Variants in MAP2K6 observed in about 807,000 individuals in gnomAD.
MAP2K6 encodes the protein dual specificity mitogen-activated protein kinase kinase 6.
In MAP2K6, 16 loss-of-function variants were observed where a neutral mutation model predicts 53.7. The observed-to-expected ratio is 0.30, with a 90% confidence interval of 0.20 to 0.45. The LOEUF is 0.45. MAP2K6 is among the 20% of genes least tolerant of loss of function. The pLI, the probability that MAP2K6 is intolerant of heterozygous loss-of-function variation, is 1.00. For missense variants in MAP2K6, 204 were observed against 411.9 expected, an observed-to-expected ratio of 0.50 and a Z score of 4.37; for synonymous variants, 132 against 143.1, an observed-to-expected ratio of 0.92 and a Z score of 0.55.
chr17:69,450,052 A>C (rs1213607695), intron 1 of MAP2K6, among the ~76,000 whole-genome samples: 2 of 151,226 alleles, frequency 1.3e-5, no homozygotes, highest in East Asian at 3.9e-4. Context: ...CTCCTGCATC[A>C]GCCTTCCAAG....
At chr17:69,528,297 G>C (rs1464235196) in intron 10 of MAP2K6, among the ~76,000 whole-genome samples, 2 of 151,754 alleles carry the variant, frequency 1.3e-5, no homozygotes, top group Non-Finnish European at 2.9e-5. Flanking sequence ...GTTTGTTTTT[G>C]TTTTTGGCTG....
chr17:69,523,396 G>A, intron 7 of MAP2K6, 118 bp from the exon 8 acceptor site: 1 of 1,301,492 alleles, frequency 7.7e-7, no homozygotes, highest in South Asian at 1.3e-5. Flanking sequence ...CTTCTGTGTT[G>A]GGCAGCTTGG....
chr17:69,508,346 C>T (rs1181191168), intron 2 of MAP2K6, among the ~76,000 whole-genome samples: 4 of 152,078 alleles, frequency 2.6e-5, no homozygotes, highest in Non-Finnish European at 5.9e-5. Flanking sequence ...GGATTATAGG[C>T]GTGAGCCACT....
intron 1 of MAP2K6, among the ~76,000 whole-genome samples, chr17:69,452,874 A>G (rs1473595679): frequency 1.3e-5 from 2 of 152,304 alleles, no homozygotes; most frequent in East Asian, 3.9e-4. Context: ...CATAATATAA[A>G]ATGTCTTTGT....
intron 1 of MAP2K6, among the ~76,000 whole-genome samples, chr17:69,442,783 G>GAAT (rs1236135438): frequency 1.3e-5 from 2 of 152,160 alleles, no homozygotes; most frequent in Non-Finnish European, 2.9e-5. Context: ...GTGTAACCTT[G>GAAT]AATACTTGAC....
intron 5 of MAP2K6, chr17:69,520,054 C>T (rs1170874852): frequency 2.9e-5 from 15 of 516,652 alleles, no homozygotes; most frequent in Non-Finnish European, 3.7e-5. Flanking sequence ...AGAGCACATG[C>T]AGGTTCTGCT....
At chr17:69,446,030 A>G (rs1401597533) in intron 1 of MAP2K6, among the ~76,000 whole-genome samples, 1 of 152,224 alleles carries the variant, frequency 6.6e-6, no homozygotes, top group Non-Finnish European at 1.5e-5. Context: ...ACATACACCT[A>G]AGGAGTTAAG....
In MAP2K6 at chr17:69,551,418, G is replaced by C. The variant is rs1485687011; in HGVS notation, c.*9665G>C. On this transcript the variant is annotated 3_prime_UTR_variant, in exon 12 of 12. Coordinates refer to ENST00000590474, the MANE Select transcript of MAP2K6 (RefSeq NM_002758.4). ...ACAAGGGAATGCTTAAACACCAGCTGAGTCATATCAGGTGCCTTGTACACA... is the reference window on the plus strand; with the variant it reads ...ACAAGGGAATGCTTAAACACCAGCTCAGTCATATCAGGTGCCTTGTACACA... The C allele has an allele frequency of 6.6e-6, 1 of 152,218 alleles. No homozygotes were observed. The highest frequency in any genetic ancestry group is 1.5e-5 in the Non-Finnish European group (1 of 68,048). 9.4% of individuals were successfully genotyped at this position (152,218 alleles called of 1,614,324 possible).
At chr17:69,500,447 CAAAAAAAAAA>C (rs58712110) in intron 1 of MAP2K6, among the ~76,000 whole-genome samples, 4 of 57,628 alleles carry the variant, frequency 6.9e-5, no homozygotes, top group Non-Finnish European at 6.1e-5. Context: ...GACTCTGTCT[CAAAAAAAAAA>C]AAAAAAAAAA....
chr17:69,507,366 C>T (rs958629406), intron 2 of MAP2K6, among the ~76,000 whole-genome samples: 2 of 151,820 alleles, frequency 1.3e-5, no homozygotes, highest in African/African-American at 4.8e-5. Context: ...GCACGTGTAG[C>T]TCTATAAAGT....
intron 1 of MAP2K6, among the ~76,000 whole-genome samples, chr17:69,503,904 C>T (rs1207579374): frequency 6.6e-6 from 1 of 152,150 alleles, no homozygotes; most frequent in Non-Finnish European, 1.5e-5. Context: ...AAAAGTGATT[C>T]TAGAAGTTGC....
intron 1 of MAP2K6, among the ~76,000 whole-genome samples, chr17:69,464,872 C>T (rs1279701691): frequency 1.3e-5 from 2 of 151,906 alleles, no homozygotes; most frequent in African/African-American, 4.8e-5. Context: ...CGTGCCACCA[C>T]GCCCGGCTAA....
intron 1 of MAP2K6, among the ~76,000 whole-genome samples, chr17:69,436,829 A>AT (rs1555600986): frequency 4.2e-4 from 61 of 144,168 alleles, no homozygotes; most frequent in African/African-American, 1.3e-3. Context: ...TCTTTTATTT[A>AT]TTTATTTTTT....
At chr17:69,505,121 T>G (rs768070345) in intron 1 of MAP2K6, among the ~76,000 whole-genome samples, 11 of 149,734 alleles carry the variant, frequency 7.3e-5, no homozygotes, top group Non-Finnish European at 1.5e-4. Flanking sequence ...CCATCACCAT[T>G]ATAGTGTAAA....
At position 69,460,077 on chromosome 17, in the gene MAP2K6, A is replaced by G. The variant is rs578134144; in HGVS notation, c.16+45077A>G. ...TTTCCTCCATTCTTTCTTTTTACGT[A>G]TTCATCAGACACATCCCAGATAGCA... On this transcript the variant is annotated intron_variant, in intron 1 of 11. Coordinates refer to ENST00000590474, the MANE Select transcript of MAP2K6 (RefSeq NM_002758.4). Among the ~76,000 whole-genome samples the G allele has an allele frequency of 1.6e-3, 227 of 140,718 alleles. 1 individual carries two copies. The highest frequency in any genetic ancestry group is 2.8e-3 in the Non-Finnish European group (185 of 66,396). 92.3% of individuals were successfully genotyped at this position (140,718 alleles called of 152,430 possible). A position where few individuals can be genotyped will look rare whatever the true frequency, so the allele number is the denominator to read the frequency against.
intron 1 of MAP2K6, among the ~76,000 whole-genome samples, chr17:69,466,180 C>A (rs933881267): frequency 4.0e-5 from 6 of 150,010 alleles, no homozygotes; most frequent in African/African-American, 1.5e-4. Flanking sequence ...CAGCTACCAG[C>A]TACTCGGGAG....
chr17:69,445,634 C>T (rs1015329646), intron 1 of MAP2K6, among the ~76,000 whole-genome samples: 4 of 152,046 alleles, frequency 2.6e-5, no homozygotes, highest in African/African-American at 7.2e-5. Context: ...AGGCTAGGAC[C>T]GAATCTCTCC....
intron 1 of MAP2K6, among the ~76,000 whole-genome samples, chr17:69,458,760 T>C (rs547217556): frequency 7.9e-5 from 12 of 152,194 alleles, no homozygotes; most frequent in Non-Finnish European, 1.6e-4. Flanking sequence ...TCTGTGGCCT[T>C]TTCTAGTAAT....
intron 1 of MAP2K6, among the ~76,000 whole-genome samples, chr17:69,459,599 C>T (rs1467145742): frequency 1.3e-5 from 2 of 150,004 alleles, no homozygotes; most frequent in Non-Finnish European, 3.0e-5. Context: ...ATAGTCCCAG[C>T]TACTCGGGAG....
Sources: allele counts gnomAD v4.1 joint callset (sites outside exome capture counted in the v4.1 genomes callset), GRCh38; gene constraint gnomAD v4.1.1; transcripts MANE v1.5; gene names NCBI Gene and HGNC (gene_info 2026-07-23, HGNC 2026-07-21).